MID1: variants seen among roughly 807,000 people sequenced by gnomAD.
MID1 encodes E3 ubiquitin-protein ligase Midline-1.
A neutral mutation model predicts 40.4 loss-of-function variants in MID1; 7 were observed. The observed-to-expected ratio is 0.17, with a 90% CI of 0.10 to 0.33. MID1 has a LOEUF of 0.33. Among genes scored for constraint, MID1 ranks in the 10% least tolerant of loss-of-function variants. The pLI is 1.00. For missense variants in MID1, 367 were observed against 558.5 expected (o/e 0.66, Z 3.46); for synonymous variants, 229 against 221.2 (o/e 1.04, Z -0.31).
At chrX:10,547,295 G>A (rs961272728) in intron 2 of MID1, among the ~76,000 whole-genome samples, 3 of 111,090 alleles carry the variant, frequency 2.7e-5, no homozygotes, top group African/African-American at 9.8e-5. Flanking sequence ...GAAGGAGGCC[G>A]GGCACAGTGG....
At chrX:10,533,748 A>G (rs778582127) in intron 2 of MID1, among the ~76,000 whole-genome samples, 1 of 111,858 alleles carries the variant, frequency 8.9e-6, no homozygotes, top group Non-Finnish European at 1.9e-5. Flanking sequence ...GATTGAATAA[A>G]TTCCTGTTTT....
At chrX:10,465,214 T>TATATATATATATACAC (rs1477864693) in intron 7 of MID1, among the ~76,000 whole-genome samples, 79 of 39,884 alleles carry the variant, frequency 2.0e-3, no homozygotes, top group Non-Finnish European at 3.0e-3. Context: ...TATATATATA[T>TATATATATATATACAC]ACACACACAC....
chrX:10,514,179 A>C (rs958520720), intron 3 of MID1, among the ~76,000 whole-genome samples: 2 of 111,964 alleles, frequency 1.8e-5, no homozygotes, highest in African/African-American at 6.5e-5. Flanking sequence ...AATCTGAGCC[A>C]CTAGGTAGGA....
At chrX:10,531,469 C>A (rs1437267571) in intron 2 of MID1, among the ~76,000 whole-genome samples, 1 of 112,199 alleles carries the variant, frequency 8.9e-6, no homozygotes, top group East Asian at 2.8e-4. Context: ...TAATAAAATA[C>A]AATCTGCATA....
At chrX:10,807,407 G>A (rs1412478639) in intron 1 of MID1, among the ~76,000 whole-genome samples, 1 of 111,835 alleles carries the variant, frequency 8.9e-6, no homozygotes, top group Admixed American at 9.5e-5. Flanking sequence ...GCTCAACTGG[G>A]TTCTATGCCG....
intron 1 of MID1, among the ~76,000 whole-genome samples, chrX:10,706,306 C>T: frequency 1.8e-5 from 2 of 111,005 alleles, no homozygotes; most frequent in East Asian, 5.7e-4. Context: ...TCTAGGGTCT[C>T]TTGTAAAATA....
At chrX:10,561,795 T>C (rs147718452) in intron 2 of MID1, among the ~76,000 whole-genome samples, 3,897 of 106,951 alleles carry the variant, frequency 0.036, 657 homozygotes, top group African/African-American at 0.14. Flanking sequence ...GTTCAACCAT[T>C]GTGGAAGACA....
chrX:10,633,587 G>C (rs1936076195), intron 1 of MID1, among the ~76,000 whole-genome samples: 1 of 110,718 alleles, frequency 9.0e-6, no homozygotes, highest in African/African-American at 3.3e-5. Flanking sequence ...GAGTAGCTGA[G>C]ACTACAGGTG....
rs193243773 is a variant in MID1, at chrX:10,465,044, C to T, written c.1285+4653G>A. Among the ~76,000 whole-genome samples, 315 of 108,066 alleles carry T rather than the reference C, an allele frequency of 2.9e-3. 1 individual carries two copies. The highest frequency in any genetic ancestry group is 0.01 in the African/African-American group (303 of 29,629). The allele number at this position is 108,066 out of a possible 115,157, so 93.8% of individuals were successfully genotyped here. A position where few individuals can be genotyped will look rare whatever the true frequency, so the allele number is the denominator to read the frequency against. On this transcript the variant is annotated intron_variant, in intron 7 of 9. Transcript: ENST00000317552. ...ACTAAAAATACAAAAATTAGCCAGG[C>T]GTGGTAGCACATGTTTGTAATCCCA...
At chrX:10,748,702 A>G (rs958228359) in intron 1 of MID1, among the ~76,000 whole-genome samples, 2 of 112,187 alleles carry the variant, frequency 1.8e-5, no homozygotes, top group African/African-American at 6.5e-5. Flanking sequence ...GTGATTGTGT[A>G]GCATGTATGC....
intron 1 of MID1, among the ~76,000 whole-genome samples, chrX:10,672,802 A>G (rs774147808): frequency 1.8e-5 from 2 of 110,823 alleles, no homozygotes; most frequent in Non-Finnish European, 3.8e-5. Flanking sequence ...CTCCCTCCTT[A>G]GCCTCCCAAG....
At chrX:10,755,684 G>A (rs1349853227) in intron 1 of MID1, among the ~76,000 whole-genome samples, 2 of 111,900 alleles carry the variant, frequency 1.8e-5, no homozygotes, top group East Asian at 5.6e-4. Flanking sequence ...CTAGTTCAGC[G>A]GGAAAGAATG....
intron 8 of MID1, among the ~76,000 whole-genome samples, chrX:10,458,561 T>C (rs1367095065): frequency 1.8e-5 from 2 of 111,829 alleles, no homozygotes; most frequent in African/African-American, 6.5e-5. Flanking sequence ...TGTACAGAAC[T>C]CTCTGTATTA....
At chrX:10,455,524 T>C (rs960898047) in intron 8 of MID1, among the ~76,000 whole-genome samples, 1 of 111,609 alleles carries the variant, frequency 9.0e-6, no homozygotes, top group Non-Finnish European at 1.9e-5. Flanking sequence ...AGGTACATAC[T>C]GGCTGGATAG....
intron 1 of MID1, among the ~76,000 whole-genome samples, chrX:10,649,659 C>T (rs1185823766): frequency 5.4e-5 from 6 of 111,826 alleles, no homozygotes; most frequent in Non-Finnish European, 1.1e-4. Flanking sequence ...AAGTCTCTAG[C>T]GTTTTTCAAA....
intron 1 of MID1, among the ~76,000 whole-genome samples, chrX:10,727,710 T>C (rs972834128): frequency 9.0e-6 from 1 of 111,507 alleles, no homozygotes; most frequent in Non-Finnish European, 1.9e-5. Context: ...ATCTGAGCTC[T>C]GAGGCCAGCA....
At chrX:10,610,950 G>A (rs937538857) in intron 1 of MID1, among the ~76,000 whole-genome samples, 6 of 111,982 alleles carry the variant, frequency 5.4e-5, no homozygotes, top group African/African-American at 1.9e-4. Context: ...AATTTAGTTG[G>A]TTTGGTTATG....
intron 1 of MID1, among the ~76,000 whole-genome samples, chrX:10,823,540 C>CA (rs893340338): frequency 1.8e-4 from 20 of 110,472 alleles, no homozygotes; most frequent in African/African-American, 6.6e-4. Flanking sequence ...CATCTAACTT[C>CA]AAAAAAAGTA....
At chrX:10,679,479 G>T (rs889654953) in intron 1 of MID1, among the ~76,000 whole-genome samples, 2 of 111,882 alleles carry the variant, frequency 1.8e-5, no homozygotes, top group African/African-American at 6.5e-5. Flanking sequence ...GGGCCAAATC[G>T]ATCCTTTGCC....
Sources: gnomAD v4.1 joint callset for allele counts (sites outside exome capture counted in the v4.1 genomes callset) on GRCh38, gnomAD v4.1.1 for gene constraint, MANE v1.5 for transcripts, NCBI Gene and HGNC (gene_info 2026-07-23, HGNC 2026-07-21) for gene names.